Variants in TTN observed in about 807,000 individuals in gnomAD.
The protein encoded by TTN is titin.
In TTN, 1,525 loss-of-function variants were observed where a neutral mutation model predicts 3,223.0. The observed-to-expected ratio is 0.47, with a 90% confidence interval of 0.45 to 0.49. The LOEUF is 0.49. TTN is among the 20% of genes least tolerant of loss of function. The pLI is 0.00. For missense variants in TTN, 40,786 were observed against 43,424.0 expected (o/e 0.94, Z 5.40); for synonymous variants, 14,094 against 15,161.0 (o/e 0.93, Z 5.17).
Position 178,577,622 on chromosome 2 carries a change from A to T in TTN, c.68804T>A (p.Ile22935Asn), listed in dbSNP as rs971232021. The T allele has an allele frequency of 1.9e-6, 3 of 1,607,408 alleles. No homozygotes were observed. Among genetic ancestry groups the T allele is most frequent in the African/African-American group, 2.7e-5 (2 of 74,640 alleles). Residue 22935 changes from isoleucine (I) to asparagine (N), a missense_variant, in exon 323 of 363, where the codon ATT becomes AAT. By Grantham distance (149) the Ile-to-Asn change is moderately radical. Coordinates refer to ENST00000589042, the MANE Select transcript of TTN (RefSeq NM_001267550.2). Reference sequence around the variant, plus strand: ...CCTACCGTATTCATCCTTGCAAATAATGGTTTCTGTACTTTCTGATGGAGC... The same window carrying T: ...CCTACCGTATTCATCCTTGCAAATATTGGTTTCTGTACTTTCTGATGGAGC... ...ISAPSESTET[I>N]ICKDEYEAPT...
chr2:178,698,831 TA>T lies in TTN; in HGVS notation c.30754+11del. On this transcript the variant is annotated intron_variant, in intron 112 of 362. Transcript: ENST00000589042. ...AAAAGTGTTAAGACTGCTTTTTGAT[TA>T]ATTATAATACCTTCACGTGGTGTCA... 1 of 1,539,344 alleles carries T rather than the reference TA, an allele frequency of 6.5e-7. No homozygotes were observed. The highest frequency in any genetic ancestry group is 2.5e-5 in the East Asian group (1 of 40,718).
chr2:178,549,970 G>A lies in TTN; in HGVS notation c.91852+16C>T. ...AGTTCATAAATTGTAGCATTAAGAA[G>A]CTATTTTAAAAGTACCTTGTACTTT... On this transcript the variant is annotated intron_variant, in intron 337 of 362. Transcript: ENST00000589042. 3.8e-6 allele frequency: 6 copies of A among 1,589,900 alleles called. No homozygotes were observed. The highest frequency in any genetic ancestry group is 5.1e-6 in the Non-Finnish European group (6 of 1,166,464).
chr2:178,603,419 A>G (rs10930832), intron 282 of TTN, among the ~76,000 whole-genome samples: 3,246 of 152,070 alleles, frequency 0.021, 68 homozygotes, highest in East Asian at 0.095. Context: ...ATTTGACCTC[A>G]CAGACTATGC....
intron 9 of TTN, 78 bp from the exon 10 acceptor site, chr2:178,792,275 C>A: frequency 7.0e-7 from 1 of 1,428,474 alleles, no homozygotes; most frequent in South Asian, 1.3e-5. Context: ...AATATAACAA[C>A]ATAGGAATTT....
chr2:178,539,349 T>C (rs1205417471), intron 352 of TTN, 33 bp downstream of exon 352: 2 of 1,600,344 alleles, frequency 1.2e-6, no homozygotes, highest in Non-Finnish European at 1.7e-6. Flanking sequence ...GCTGAAATAA[T>C]GTTTATAATT....
Position 178,728,094 on chromosome 2 carries a change from G to T in TTN, c.19714+16C>A. On this transcript the variant is annotated intron_variant, in intron 67 of 362. Coordinates refer to ENST00000589042, the MANE Select transcript of TTN (RefSeq NM_001267550.2). ...ATTCGCAAGGAAGAATCAAGAAGAG[G>T]TAAAGAAATTCTAACCTTTCACAGT... 6.5e-7 allele frequency: 1 copy of T among 1,538,534 alleles called. No individual in the cohort carries two copies. The highest frequency in any genetic ancestry group is 8.7e-7 in the Non-Finnish European group (1 of 1,144,874).
Position 178,726,020 on chromosome 2 carries a change from G to A in TTN, c.20302C>T (p.Pro6768Ser). Reference protein sequence around the residue: ...KEPPVFSSFPPIVETLKNAEV... With the variant: ...KEPPVFSSFPSIVETLKNAEV... ...GCATTTTTAAGGGTTTCTACTATAG[G>A]AGGGAAGCTGCTAAAAACAGGTGGC... Residue 6768 changes from proline (P) to serine (S), a missense_variant, in exon 70 of 363, where the codon CCT becomes TCT. By Grantham distance (74) the Pro-to-Ser change is moderately conservative. Coordinates refer to ENST00000589042, the MANE Select transcript of TTN (RefSeq NM_001267550.2). 8 of 1,540,624 alleles carry A rather than the reference G, an allele frequency of 5.2e-6. No individual in the cohort carries two copies. Among genetic ancestry groups the A allele is most frequent in the Non-Finnish European group, 6.1e-6 (7 of 1,141,630 alleles).
At position 178,614,356 on chromosome 2, in the gene TTN, T is replaced by C. The variant is rs2056900509; in HGVS notation, c.49049-8A>G. The C allele has an allele frequency of 1.9e-6, 3 of 1,594,612 alleles. No individual in the cohort carries two copies. The highest frequency in any genetic ancestry group is 2.6e-6 in the Non-Finnish European group (3 of 1,174,750). On this transcript the variant is annotated splice_polypyrimidine_tract_variant and splice_region_variant and intron_variant, in intron 261 of 362. Transcript: ENST00000589042. Reference sequence around the variant, plus strand: ...CTGGTGGTCCGGGTTTATCTGTGTATGGCATTACAGATGCAGAAAAAAAAA... The same window carrying C: ...CTGGTGGTCCGGGTTTATCTGTGTACGGCATTACAGATGCAGAAAAAAAAA...
Position 178,581,609 on chromosome 2 carries a change from G to A in TTN, c.66659C>T (p.Thr22220Ile). The A allele has an allele frequency of 1.2e-6, 2 of 1,612,830 alleles. No homozygotes were observed. The highest frequency in any genetic ancestry group is 2.2e-5 in the South Asian group (2 of 91,042). Residue 22220 changes from threonine (T) to isoleucine (I), a missense_variant, in exon 316 of 363, where the codon ACT becomes ATT. By Grantham distance (89) the Thr-to-Ile change is moderately conservative. Transcript: ENST00000589042. ...ATATTGTGTGTCTTCCATCAGGCCA[G>A]TAACCTCAAAGCGGGTTTTCTGTAG... is the stretch of plus-strand genomic sequence containing the variant. ...QNLQKTRFEV[T>I]GLMEDTQYQF...
Position 178,530,901 on chromosome 2 carries a change from C to A in TTN, c.105714G>T (p.Glu35238Asp). ...CTGCTTCTGGGGATTTCACCCGAGG[C>A]TCTGGGGATTTGACTCTTGGTGGTG... ...VTSPPRVKSP[E>D]PRVKSPEAVK... is the part of the protein sequence containing the mutation. Residue 35238 changes from glutamate to aspartate, a missense_variant, in exon 358 of 363, where the codon GAG (glutamate) becomes GAT (aspartate). Transcript: ENST00000589042. 6.2e-7 allele frequency: 1 copy of A among 1,613,612 alleles called. No individual in the cohort carries two copies. The highest frequency in any genetic ancestry group is 2.2e-5 in the East Asian group (1 of 44,868).
At position 178,584,851 on chromosome 2, in the gene TTN, A is replaced by G. The variant is rs1374577570; in HGVS notation, c.64790T>C (p.Val21597Ala). 6.2e-7 allele frequency: 1 copy of G among 1,613,266 alleles called. No individual in the cohort carries two copies. Among genetic ancestry groups the G allele is most frequent in the South Asian group, 1.1e-5 (1 of 91,052 alleles). ...ACCTCGGCTTACATCACACTTCTCC[A>G]CTATATAATTGGTGATGTTACTGCC... ...DGGSNITNYI[V>A]EKCDVSRGDW... The change falls in exon 310 of 363, where the codon GTG becomes GCG. Residue 21597 changes from valine to alanine, a missense_variant. By Grantham distance (64) the Val-to-Ala change is moderately conservative. Coordinates refer to ENST00000589042, the MANE Select transcript of TTN (RefSeq NM_001267550.2).
In TTN at chr2:178,529,869, T is replaced by C. The variant is rs1688277716; in HGVS notation, c.106531+91A>G. ...GGAAAATAATTTTATTTTAATACTT[T>C]CTTGTATGTGTATATAAGGGGGGAT... On this transcript the variant is annotated intron_variant, in intron 359 of 362. Transcript: ENST00000589042. 3 of 1,311,620 alleles carry C rather than the reference T, an allele frequency of 2.3e-6. No homozygotes were observed. The African/African-American group carries it at 4.6e-5, about 20-fold the overall frequency. 81.2% of individuals were successfully genotyped at this position (1,311,620 alleles called of 1,614,324 possible). A position where few individuals can be genotyped will look rare whatever the true frequency, so the allele number is the denominator to read the frequency against.
intron 47 of TTN, chr2:178,749,192 C>T (rs530841572): frequency 1.9e-6 from 3 of 1,611,066 alleles, no homozygotes; most frequent in Admixed American, 1.7e-5. Context: ...TTCTGATCTA[C>T]CAAGTTTTCC....
chr2:178,601,713 G>A lies in TTN; in HGVS notation c.55377C>T (p.Ile18459=), dbSNP rs772959357. 1.2e-6 allele frequency: 2 copies of A among 1,610,200 alleles called. No individual in the cohort carries two copies. The highest frequency in any genetic ancestry group is 2.2e-5 in the South Asian group (2 of 90,014). The change falls in exon 286 of 363, where the codon ATC becomes ATT. Residue 18459 remains isoleucine (I), a synonymous_variant. Coordinates refer to ENST00000589042, the MANE Select transcript of TTN (RefSeq NM_001267550.2). ...TTTGTCCTGCTTTATTCTTGGCTGT[G>A]ATGCTGTATTTGCCTGTATGAGATC... is the stretch of plus-strand genomic sequence containing the variant. ...CKRSHTGKYS[I]TAKNKAGQKT...
rs1705314852 is a variant in TTN at position 178,565,284 on chromosome 2, A to G, written c.80848T>C (p.Tyr26950His). The G allele has an allele frequency of 3.7e-6, 6 of 1,613,536 alleles. No individual in the cohort carries two copies. The East Asian group carries it at 1.3e-4, about 36-fold the overall frequency. ...KEGNKDDFGK[Y>H]TVTATNSAGT... ...GCACTATTTGTTGCCGTTACGGTGT[A>G]TTTTCCAAAGTCATCTTTGTTACCT... The change falls in exon 326 of 363, where the codon TAC becomes CAC. Residue 26950 changes from tyrosine (Y) to histidine (H), a missense_variant. Physicochemically the swap from Tyr to His is moderately conservative, Grantham distance 83. Coordinates refer to ENST00000589042, the MANE Select transcript of TTN (RefSeq NM_001267550.2).
chr2:178,616,448 TGGCA>T (rs1282733304), intron 257 of TTN, 27 bp downstream of exon 257: 1 of 1,605,940 alleles, frequency 6.2e-7, no homozygotes, highest in African/African-American at 1.3e-5. Flanking sequence ...CTCTCATTTT[TGGCA>T]TTGATGCAGT....
intron 78 of TTN, among the ~76,000 whole-genome samples, 195 bp downstream of exon 78, chr2:178,721,651 CT>C (rs1456086473): frequency 6.6e-6 from 1 of 152,080 alleles, no homozygotes; most frequent in Admixed American, 6.6e-5. Context: ...TAAGATTACA[CT>C]TAGAGTTACA....
At chr2:178,797,153 T>C (rs1403966492) in intron 6 of TTN, among the ~76,000 whole-genome samples, 1 of 152,174 alleles carries the variant, frequency 6.6e-6, no homozygotes, top group African/African-American at 2.4e-5. Flanking sequence ...TTTTAAAATA[T>C]AGTTAGGTTG....
intron 65 of TTN, 51 bp downstream of exon 65, chr2:178,728,840 C>T (rs1380147103): frequency 6.4e-7 from 1 of 1,571,556 alleles, no homozygotes; most frequent in African/African-American, 1.4e-5. Context: ...ATAATGTCTG[C>T]TAATGAAACT....
Sources: gnomAD v4.1 joint callset for allele counts (sites outside exome capture counted in the v4.1 genomes callset) on GRCh38, gnomAD v4.1.1 for gene constraint, MANE v1.5 for transcripts, NCBI Gene and HGNC (gene_info 2026-07-23, HGNC 2026-07-21) for gene names.